The following TRPM6 variants were observed in gnomAD, a reference collection of about 807,000 sequenced individuals.
TRPM6 encodes the protein transient receptor potential cation channel subfamily M member 6.
In TRPM6, 111 loss-of-function variants were observed where a neutral mutation model predicts 247.6. That is an observed-to-expected ratio of 0.45 (90% CI 0.38 to 0.52). The LOEUF (loss-of-function observed/expected upper bound fraction) is 0.52, where lower values mean the gene tolerates loss of function less well. Ranked by LOEUF, TRPM6 falls within the 20% of genes least tolerant of loss-of-function variation. The pLI is 0.00. For synonymous variants in TRPM6, 892 were observed against 853.8 expected (o/e 1.04, Z -0.78); for missense variants, 2,126 against 2,421.5 (o/e 0.88, Z 2.56).
At chr9:74,750,545 T>C (rs1361618713) in intron 30 of TRPM6, 119 bp downstream of exon 30, 4 of 915,482 alleles carry the variant, frequency 4.4e-6, no homozygotes, top group South Asian at 2.7e-5. Flanking sequence ...AGAAAAGTAT[T>C]GTCATTTGAC....
chr9:74,749,928 C>T (rs527853767), intron 30 of TRPM6, among the ~76,000 whole-genome samples: 12 of 152,286 alleles, frequency 7.9e-5, no homozygotes, highest in African/African-American at 2.9e-4. Context: ...TATCAACTGG[C>T]ACTTCCATAG....
intron 5 of TRPM6, among the ~76,000 whole-genome samples, chr9:74,834,671 A>G (rs1384010635): frequency 7.7e-6 from 1 of 129,638 alleles, no homozygotes; most frequent in East Asian, 2.2e-4. Context: ...AAGTGTTCTC[A>G]TTGTTCAATT....
chr9:74,792,127 GT>G (rs1167096820), intron 19 of TRPM6, among the ~76,000 whole-genome samples: 1 of 152,140 alleles, frequency 6.6e-6, no homozygotes, highest in Non-Finnish European at 1.5e-5. Context: ...TATTAATTTG[GT>G]TGTTCCACAA....
At chr9:74,812,645 C>G (rs992643384) in intron 11 of TRPM6, among the ~76,000 whole-genome samples, 4 of 151,730 alleles carry the variant, frequency 2.6e-5, no homozygotes, top group African/African-American at 9.7e-5. Flanking sequence ...ATCCTAGCAC[C>G]CTTGGAGGCT....
At chr9:74,845,183 A>T (rs1830068960) in intron 3 of TRPM6, among the ~76,000 whole-genome samples, 3 of 152,222 alleles carry the variant, frequency 2.0e-5, no homozygotes, top group Admixed American at 6.5e-5. Flanking sequence ...TGCAGAGACA[A>T]GAAATGAACA....
At chr9:74,753,877 G>A (rs920810098) in intron 28 of TRPM6, among the ~76,000 whole-genome samples, 7 of 151,878 alleles carry the variant, frequency 4.6e-5, no homozygotes, top group South Asian at 2.1e-4. Context: ...CAGATTAGCC[G>A]GGCACTCGGA....
rs776005961 is a variant in TRPM6, at chr9:74,732,727, T to C, written c.5786A>G (p.Glu1929Gly). 1 of 1,609,364 alleles carries C rather than the reference T, an allele frequency of 6.2e-7. No individual in the cohort carries two copies. The highest frequency in any genetic ancestry group is 8.5e-7 in the Non-Finnish European group (1 of 1,177,692). The change falls in exon 37 of 39, where the codon GAA (glutamate) becomes GGA (glycine). Residue 1929 changes from glutamate (E) to glycine (G), a missense_variant. Physicochemically the swap from Glu to Gly is moderately conservative, Grantham distance 98. Transcript: ENST00000360774. ...TATAACAGATGGATCTGTCAAATTT[T>C]CTCCAACACCTCAAAAGAAGAAACA... is the stretch of plus-strand genomic sequence containing the variant. ...LLVLDLQGVG[E>G]NLTDPSVIKP...
chr9:74,831,048 A>G (rs1253254588), intron 6 of TRPM6, among the ~76,000 whole-genome samples: 1 of 151,944 alleles, frequency 6.6e-6, no homozygotes, highest in Non-Finnish European at 1.5e-5. Context: ...TTATCACAAT[A>G]TTATTATTAT....
chr9:74,778,085 C>A (rs1299123487), intron 23 of TRPM6, among the ~76,000 whole-genome samples: 1 of 152,240 alleles, frequency 6.6e-6, no homozygotes, highest in Non-Finnish European at 1.5e-5. Flanking sequence ...AGACCTCCAG[C>A]TGTCCCAGTG....
At chr9:74,868,061 G>A (rs1386504917) in intron 1 of TRPM6, among the ~76,000 whole-genome samples, 1 of 151,464 alleles carries the variant, frequency 6.6e-6, no homozygotes, top group Non-Finnish European at 1.5e-5. Flanking sequence ...GGCTGAGGCA[G>A]GAGAATCACT....
chr9:74,870,069 T>C (rs578114239), intron 1 of TRPM6, among the ~76,000 whole-genome samples: 1 of 152,292 alleles, frequency 6.6e-6, no homozygotes, highest in South Asian at 2.1e-4. Flanking sequence ...ACAGACCCCC[T>C]TTTTATTACC....
Position 74,723,876 on chromosome 9 carries a change from T to C in TRPM6, c.*737A>G, listed in dbSNP as rs1057515632. Reference sequence around the variant, plus strand: ...TTATATATATAATATATATATTCCATATATATTATATATATAAAAATATAT... The same window carrying C: ...TTATATATATAATATATATATTCCACATATATTATATATATAAAAATATAT... On this transcript the variant is annotated 3_prime_UTR_variant, in exon 39 of 39. Transcript: ENST00000360774. 6.2e-5 allele frequency: 9 copies of C among 146,264 alleles called. No homozygotes were observed. Among genetic ancestry groups the C allele is most frequent in the Non-Finnish European group, 1.3e-4 (9 of 67,060 alleles). The allele number at this position is 146,264 out of a possible 1,614,324, so 9.1% of individuals were successfully genotyped here. A position where few individuals can be genotyped will look rare whatever the true frequency, so the allele number is the denominator to read the frequency against.
intron 13 of TRPM6, among the ~76,000 whole-genome samples, chr9:74,808,723 A>G (rs999217464): frequency 9.9e-5 from 15 of 152,234 alleles, no homozygotes; most frequent in African/African-American, 3.6e-4. Context: ...AACACTTTGC[A>G]CTGCGTTGAC....
intron 23 of TRPM6, among the ~76,000 whole-genome samples, chr9:74,781,316 A>T (rs1441939906): frequency 1.3e-5 from 2 of 152,046 alleles, no homozygotes; most frequent in East Asian, 3.9e-4. Context: ...CAGGTGGATC[A>T]CTTGAGGTCA....
At chr9:74,739,302 G>A (rs1587455958) in intron 35 of TRPM6, 65 bp downstream of exon 35, 2 of 1,376,226 alleles carry the variant, frequency 1.5e-6, no homozygotes, top group South Asian at 1.2e-5. Context: ...ATGAGTAATG[G>A]GCTGAGAAGA....
chr9:74,851,759 A>AT (rs375349333), intron 3 of TRPM6, among the ~76,000 whole-genome samples: 2,022 of 114,104 alleles, frequency 0.018, 14 homozygotes, highest in Middle Eastern at 0.023. Flanking sequence ...AAAAAAAAAA[A>AT]AAAAATATAT....
intron 25 of TRPM6, among the ~76,000 whole-genome samples, chr9:74,768,915 C>T (rs936260032): frequency 5.9e-5 from 9 of 152,140 alleles, no homozygotes; most frequent in Non-Finnish European, 1.2e-4. Context: ...CTTGGGGAGG[C>T]AGGGAGGCTA....
intron 5 of TRPM6, 136 bp downstream of exon 5, chr9:74,839,888 A>C: frequency 5.6e-6 from 1 of 179,502 alleles, no homozygotes; most frequent in Non-Finnish European, 8.7e-6. Flanking sequence ...GAAGGAAGGA[A>C]GGAAGGAGGG....
intron 27 of TRPM6, among the ~76,000 whole-genome samples, chr9:74,755,956 T>C (rs1180290764): frequency 6.6e-6 from 1 of 152,214 alleles, no homozygotes; most frequent in African/African-American, 2.4e-5. Flanking sequence ...GAAAATCACT[T>C]AATGTCTCTG....
Sources: allele counts gnomAD v4.1 joint callset (sites outside exome capture counted in the v4.1 genomes callset), GRCh38; gene constraint gnomAD v4.1.1; transcripts MANE v1.5; gene names NCBI Gene and HGNC (gene_info 2026-07-23, HGNC 2026-07-21).